The following UBR3 variants were observed in gnomAD, a reference collection of about 807,000 sequenced individuals.
UBR3 encodes the protein E3 ubiquitin-protein ligase UBR3.
In UBR3, 85 loss-of-function variants were observed where a neutral mutation model predicts 243.2. The observed-to-expected ratio is 0.35, with a 90% confidence interval of 0.29 to 0.42. UBR3 has a LOEUF of 0.42. UBR3 is among the 10% of genes least tolerant of loss of function. UBR3 has a pLI of 1.00. For synonymous variants in UBR3, 748 were observed against 799.8 expected, an observed-to-expected ratio of 0.94 and a Z score of 1.09; for missense variants, 1,686 against 2,300.8, an observed-to-expected ratio of 0.73 and a Z score of 5.47.
chr2:170,003,433 CATT>C (rs1387549046), intron 27 of UBR3, among the ~76,000 whole-genome samples: 1 of 149,940 alleles, frequency 6.7e-6, no homozygotes, highest in Admixed American at 6.7e-5. Context: ...TCCTTAAACA[CATT>C]ATGCATTTTT....
chr2:169,842,728 C>A (rs1165959826), intron 1 of UBR3, among the ~76,000 whole-genome samples: 1 of 152,142 alleles, frequency 6.6e-6, no homozygotes, highest in African/African-American at 2.4e-5. Context: ...GGAAGAAACT[C>A]CGAACACATC....
At chr2:169,900,982 G>A (rs1261551233) in intron 8 of UBR3, among the ~76,000 whole-genome samples, 1 of 152,022 alleles carries the variant, frequency 6.6e-6, no homozygotes, top group African/African-American at 2.4e-5. Context: ...AAATTATGTG[G>A]TTTACCCTTT....
chr2:169,835,267 G>A (rs2082047666), intron 1 of UBR3, among the ~76,000 whole-genome samples: 1 of 152,036 alleles, frequency 6.6e-6, no homozygotes, highest in Non-Finnish European at 1.5e-5. Flanking sequence ...TGAGTTGGGA[G>A]TATTGCTTGA....
intron 37 of UBR3, 63 bp downstream of exon 37, chr2:170,080,086 C>T: frequency 1.4e-6 from 2 of 1,427,088 alleles, no homozygotes; most frequent in Non-Finnish European, 1.9e-6. Context: ...AAAATATGGT[C>T]AAGCCATCTC....
At chr2:169,860,266 C>CTTT (rs1293762519) in intron 1 of UBR3, among the ~76,000 whole-genome samples, 1 of 152,024 alleles carries the variant, frequency 6.6e-6, no homozygotes, top group Non-Finnish European at 1.5e-5. Flanking sequence ...AATTTCTGCA[C>CTTT]TTTATGTTGT....
At chr2:169,973,947 A>G (rs2088296868) in intron 24 of UBR3, among the ~76,000 whole-genome samples, 1 of 152,194 alleles carries the variant, frequency 6.6e-6, no homozygotes, top group Non-Finnish European at 1.5e-5. Context: ...ATCTTTTGAG[A>G]TGATTGTATA....
At chr2:169,957,043 A>T (rs529921667) in intron 23 of UBR3, among the ~76,000 whole-genome samples, 3 of 152,180 alleles carry the variant, frequency 2.0e-5, no homozygotes, top group African/African-American at 7.2e-5. Flanking sequence ...GTAAAAATTT[A>T]TCTCTTCCGT....
chr2:169,934,465 A>C (rs974486301), intron 19 of UBR3, among the ~76,000 whole-genome samples: 1 of 152,228 alleles, frequency 6.6e-6, no homozygotes, highest in African/African-American at 2.4e-5. Flanking sequence ...TTAACAGTAC[A>C]TATTTATTGA....
intron 19 of UBR3, among the ~76,000 whole-genome samples, chr2:169,936,879 C>T (rs927406938): frequency 1.4e-4 from 21 of 152,174 alleles, no homozygotes. Context: ...GCATAGGATT[C>T]CACGGTGTAT....
At chr2:170,080,161 C>A (rs1259439294) in intron 37 of UBR3, 138 bp downstream of exon 37, 2 of 825,598 alleles carry the variant, frequency 2.4e-6, no homozygotes, top group Non-Finnish European at 3.7e-6. Context: ...GTTTTTTAAT[C>A]CAGTAGAAGA....
rs1019084828 is a variant in UBR3, at chr2:169,949,701, G to A, written c.3181G>A (p.Val1061Ile). ...NRSSSEANQV[V>I]RPKTSSKWSA... is the part of the protein sequence containing the mutation. The stretch of plus-strand genomic sequence containing the variant: ...CAGTAGCAGTGAAGCAAATCAGGTG[G>A]TTCGTCCCAAAACTTCAAGTAAATG... Residue 1061 changes from valine to isoleucine, a missense_variant, in exon 23 of 39, where the codon GTT becomes ATT. Physicochemically the swap from Val to Ile is conservative, Grantham distance 29. Transcript: ENST00000272793. 1 of 1,551,462 alleles carries A rather than the reference G, an allele frequency of 6.4e-7. No homozygotes were observed. Among genetic ancestry groups the A allele is most frequent in the African/African-American group, 1.4e-5 (1 of 73,006 alleles).
intron 29 of UBR3, chr2:170,014,010 CT>C (rs2090159926): frequency 2.2e-6 from 1 of 454,746 alleles, no homozygotes; most frequent in African/African-American, 2.0e-5. Flanking sequence ...TGCAAATCGC[CT>C]GAAGGGTGGA....
intron 10 of UBR3, among the ~76,000 whole-genome samples, chr2:169,910,101 A>G (rs990507078): frequency 6.6e-6 from 1 of 152,158 alleles, no homozygotes; most frequent in African/African-American, 2.4e-5. Context: ...GTCCAAGTAG[A>G]AATAGTGAAT....
intron 19 of UBR3, among the ~76,000 whole-genome samples, chr2:169,939,201 C>G (rs1430291104): frequency 1.3e-5 from 2 of 151,374 alleles, no homozygotes; most frequent in African/African-American, 2.4e-5. Flanking sequence ...TTGATTGTCT[C>G]TCTCCTCCCA....
intron 32 of UBR3, among the ~76,000 whole-genome samples, chr2:170,041,995 T>C (rs1323732605): frequency 7.1e-6 from 1 of 140,348 alleles, no homozygotes; most frequent in African/African-American, 2.8e-5. Context: ...ATTTAAAGTA[T>C]ACAACTGAAG....
chr2:169,838,100 C>G (rs914912173), intron 1 of UBR3, among the ~76,000 whole-genome samples: 9 of 152,038 alleles, frequency 5.9e-5, no homozygotes, highest in African/African-American at 2.2e-4. Context: ...TTGTCAAGTT[C>G]TCTGGAAAAC....
At position 169,983,152 on chromosome 2, in the gene UBR3, AAG is replaced by A. The variant is rs777913026; in HGVS notation, c.3635-3492_3635-3491del. On this transcript the variant is annotated intron_variant, in intron 24 of 38. Coordinates refer to ENST00000272793, the MANE Select transcript of UBR3 (RefSeq NM_172070.4). ...TGAGAGCAAGAGAGAGAAACTGTGC[AAG>A]GTGGAGTTGAGAGTGAGAGCAGGAG... Among the ~76,000 whole-genome samples, 114 of 151,578 alleles carry A rather than the reference AAG, an allele frequency of 7.5e-4. 1 individual carries two copies. The highest frequency in any genetic ancestry group is 1.2e-3 in the Non-Finnish European group (82 of 67,814).
rs1017770 is a variant in UBR3, at chr2:169,961,128, A to G, written c.3634+2602A>G. 3.3e-3 allele frequency among the ~76,000 whole-genome samples: 507 copies of G among 152,010 alleles called. 5 individuals carry two copies. Among genetic ancestry groups the G allele is most frequent in the African/African-American group, 0.012 (487 of 41,420 alleles). On this transcript the variant is annotated intron_variant, in intron 24 of 38. Transcript: ENST00000272793. ...ACCAATGTGCCTTTATGATATCTCT[A>G]TTATTCTATCTACTCAATCATACAG...
Position 170,015,274 on chromosome 2 carries a change from C to T in UBR3, c.4368-7C>T, listed in dbSNP as rs768812220. 1.2e-6 allele frequency: 2 copies of T among 1,607,236 alleles called. No homozygotes were observed. Among genetic ancestry groups the T allele is most frequent in the South Asian group, 1.1e-5 (1 of 90,112 alleles). The stretch of plus-strand genomic sequence containing the variant: ...TTAATGACTGAGATATAATGTTTTA[C>T]TTACAGAACCAATTTAGAACTTGAA... On this transcript the variant is annotated splice_polypyrimidine_tract_variant and splice_region_variant and intron_variant, in intron 29 of 38. Coordinates refer to ENST00000272793, the MANE Select transcript of UBR3 (RefSeq NM_172070.4).
Sources: allele counts gnomAD v4.1 joint callset (sites outside exome capture counted in the v4.1 genomes callset), GRCh38; gene constraint gnomAD v4.1.1; transcripts MANE v1.5; gene names NCBI Gene and HGNC (gene_info 2026-07-23, HGNC 2026-07-21).